NBEA: variants seen among roughly 807,000 people sequenced by gnomAD.
NBEA encodes the protein neurobeachin.
Under a neutral mutation model 343.4 loss-of-function variants are expected in NBEA, and 44 were observed. The observed-to-expected ratio is 0.13, with a 90% CI of 0.10 to 0.16. The LOEUF (loss-of-function observed/expected upper bound fraction) is 0.16, where lower values mean the gene tolerates loss of function less well. NBEA is among the 10% of genes least tolerant of loss of function. The probability of loss-of-function intolerance (pLI) is 1.00; values close to 1 mark genes in which losing one functional copy is unlikely to be tolerated. For missense variants in NBEA, 2,555 were observed against 3,631.3 expected, an observed-to-expected ratio of 0.70 and a Z score of 7.62; for synonymous variants, 1,175 against 1,238.7, an observed-to-expected ratio of 0.95 and a Z score of 1.08.
At chr13:34,963,169 A>G (rs565462645) in intron 1 of NBEA, among the ~76,000 whole-genome samples, 36 of 152,132 alleles carry the variant, frequency 2.4e-4, no homozygotes, top group African/African-American at 7.9e-4. Context: ...GTCATGACAC[A>G]TACTGCAGAC....
chr13:35,185,094 A>G (rs895127135), intron 30 of NBEA, among the ~76,000 whole-genome samples: 1 of 152,104 alleles, frequency 6.6e-6, no homozygotes, highest in Non-Finnish European at 1.5e-5. Context: ...TGTGAGAGAA[A>G]TTTGACATGA....
intron 47 of NBEA, among the ~76,000 whole-genome samples, chr13:35,605,264 T>C (rs1482068185): frequency 1.3e-5 from 2 of 152,184 alleles, no homozygotes; most frequent in East Asian, 3.9e-4. Flanking sequence ...ACAGTGATCA[T>C]CATAAGAGTA....
chr13:35,192,106 C>T (rs1021581720), intron 30 of NBEA, among the ~76,000 whole-genome samples: 1 of 152,054 alleles, frequency 6.6e-6, no homozygotes, highest in African/African-American at 2.4e-5. Context: ...CCTGTTGCTA[C>T]AGAAACTGAT....
chr13:35,179,380 A>G (rs1249074800), intron 28 of NBEA, among the ~76,000 whole-genome samples: 2 of 151,530 alleles, frequency 1.3e-5, no homozygotes, highest in Non-Finnish European at 3.0e-5. Context: ...TATATAGCTC[A>G]TGTCTTCTCA....
intron 41 of NBEA, among the ~76,000 whole-genome samples, chr13:35,526,834 T>A (rs1329766249): frequency 6.6e-6 from 1 of 152,036 alleles, no homozygotes. Context: ...CTGGCACAGG[T>A]GCTGGCTCTG....
In NBEA at chr13:35,000,702, GA is replaced by G. The variant is rs548511810; in HGVS notation, c.295-40230del. On this transcript the variant is annotated intron_variant, in intron 1 of 58. Transcript: ENST00000379939. ...TAGGAAATAGAGGGGAAGGGGTTGAGATGGGGAGGTGTGAAGGTCAAGTGGA... is the reference window on the plus strand; with the variant it reads ...TAGGAAATAGAGGGGAAGGGGTTGAGTGGGGAGGTGTGAAGGTCAAGTGGA... Among the ~76,000 whole-genome samples the G allele has an allele frequency of 6.3e-4, 95 of 151,982 alleles. No individual in the cohort carries two copies. The South Asian group carries it at 0.018, about 29-fold the overall frequency.
At chr13:35,610,637 T>C (rs1176384134) in intron 48 of NBEA, among the ~76,000 whole-genome samples, 3 of 152,208 alleles carry the variant, frequency 2.0e-5, no homozygotes, top group African/African-American at 7.2e-5. Context: ...TTTGTGACTT[T>C]ATGTTAGCAA....
At position 35,488,885 on chromosome 13, in the gene NBEA, C is replaced by T. The variant is rs556697306; in HGVS notation, c.6585+16349C>T. Among the ~76,000 whole-genome samples, 6 of 151,808 alleles carry T rather than the reference C, an allele frequency of 4.0e-5. No homozygotes were observed. The South Asian group carries it at 1.0e-3, about 26-fold the overall frequency. On this transcript the variant is annotated intron_variant, in intron 41 of 58. Coordinates refer to ENST00000379939, the MANE Select transcript of NBEA (RefSeq NM_001385012.1). Reference sequence around the variant, plus strand: ...GTATTAAATACATTGTTGGAAAAAACGTATTCTGAGAATTCTCAAAACACA... The same window carrying T: ...GTATTAAATACATTGTTGGAAAAAATGTATTCTGAGAATTCTCAAAACACA...
At chr13:35,098,429 TTA>T (rs1160638772) in intron 11 of NBEA, 24 bp downstream of exon 11, 1 of 1,499,706 alleles carries the variant, frequency 6.7e-7, no homozygotes, top group Non-Finnish European at 9.1e-7. Flanking sequence ...GTTGATGGTT[TTA>T]TTGTGTAGCT....
intron 38 of NBEA, among the ~76,000 whole-genome samples, chr13:35,353,685 A>T (rs2040331521): frequency 6.6e-6 from 1 of 152,144 alleles, no homozygotes; most frequent in South Asian, 2.1e-4. Context: ...CTTTACATGG[A>T]TTATTTCCTT....
intron 34 of NBEA, among the ~76,000 whole-genome samples, chr13:35,238,785 A>G (rs150042543): frequency 2.2e-3 from 331 of 152,314 alleles, no homozygotes; most frequent in Non-Finnish European, 3.4e-3. Flanking sequence ...GGTGGCATCA[A>G]TAAATATTTT....
intron 52 of NBEA, among the ~76,000 whole-genome samples, chr13:35,650,397 C>T (rs768297752): frequency 2.0e-5 from 3 of 152,310 alleles, no homozygotes. Flanking sequence ...AGTGATTTCA[C>T]ACTTCACATG....
At chr13:34,955,766 C>T (rs1018396173) in intron 1 of NBEA, among the ~76,000 whole-genome samples, 6 of 151,898 alleles carry the variant, frequency 4.0e-5, no homozygotes, top group African/African-American at 1.5e-4. Context: ...AGTTAATTAC[C>T]CCTTCTTGTA....
intron 17 of NBEA, among the ~76,000 whole-genome samples, chr13:35,132,391 C>T (rs1395937981): frequency 6.6e-6 from 1 of 152,068 alleles, no homozygotes; most frequent in East Asian, 1.9e-4. Flanking sequence ...AACTCCTGAC[C>T]TCAGATGATC....
chr13:35,550,653 C>T, intron 42 of NBEA, 59 bp downstream of exon 42: 1 of 1,055,996 alleles, frequency 9.5e-7, no homozygotes, highest in Admixed American at 2.0e-5. Flanking sequence ...TATTCATTTA[C>T]ATGGTATGAT....
At chr13:35,132,356 C>A (rs1181313098) in intron 17 of NBEA, among the ~76,000 whole-genome samples, 1 of 152,070 alleles carries the variant, frequency 6.6e-6, no homozygotes, top group Non-Finnish European at 1.5e-5. Context: ...GATGGGGTTT[C>A]ACTATGTTGG....
chr13:35,509,626 G>A (rs1158550815), intron 41 of NBEA, among the ~76,000 whole-genome samples: 1 of 152,206 alleles, frequency 6.6e-6, no homozygotes, highest in African/African-American at 2.4e-5. Context: ...AACCTTTGCT[G>A]TGTTGTTTCC....
chr13:35,263,574 T>C (rs147393002), intron 34 of NBEA, among the ~76,000 whole-genome samples: 15 of 152,286 alleles, frequency 9.8e-5, no homozygotes, highest in African/African-American at 3.6e-4. Flanking sequence ...TTGTATCAGG[T>C]ATCTTTTCTG....
chr13:35,649,672 T>C lies in NBEA; in HGVS notation c.7788T>C (p.Ser2596=). The C allele has an allele frequency of 6.2e-7, 1 of 1,613,614 alleles. No homozygotes were observed. The highest frequency in any genetic ancestry group is 8.5e-7 in the Non-Finnish European group (1 of 1,179,604). ...TTCAACAGTGTTTCCTTCCACAGAGTCCGCTCATGTTTAAAGATCAGATGC... is the reference window on the plus strand; with the variant it reads ...TTCAACAGTGTTTCCTTCCACAGAGCCCGCTCATGTTTAAAGATCAGATGC... ...SAMHLCFLPQ[S]PLMFKDQMQQ... Residue 2596 remains serine, a synonymous_variant, in exon 52 of 59, where the codon AGT becomes AGC. Coordinates refer to ENST00000379939, the MANE Select transcript of NBEA (RefSeq NM_001385012.1).
Sources: allele counts gnomAD v4.1 joint callset (sites outside exome capture counted in the v4.1 genomes callset), GRCh38; gene constraint gnomAD v4.1.1; transcripts MANE v1.5; gene names NCBI Gene and HGNC (gene_info 2026-07-23, HGNC 2026-07-21).